Variants in KIF24 observed in about 807,000 individuals in gnomAD.
KIF24 encodes the protein kinesin family member 24.
A neutral mutation model predicts 118.9 loss-of-function variants in KIF24; 81 were observed. That is an observed-to-expected ratio of 0.68 (90% CI 0.57 to 0.82). KIF24 has a LOEUF of 0.82. Among genes scored for constraint, KIF24 ranks in the 40% least tolerant of loss-of-function variants. The pLI, the probability that KIF24 is intolerant of heterozygous loss-of-function variation, is 0.00. For missense variants in KIF24, 1,560 were observed against 1,661.6 expected, an observed-to-expected ratio of 0.94 and a Z score of 1.06; for synonymous variants, 599 against 610.0, an observed-to-expected ratio of 0.98 and a Z score of 0.27.
intron 3 of KIF24, among the ~76,000 whole-genome samples, chr9:34,301,997 CTT>C (rs778142590): frequency 3.6e-5 from 5 of 137,662 alleles, no homozygotes; most frequent in Admixed American, 7.4e-5. Flanking sequence ...ATTTTTTTTT[CTT>C]TTTTTTTTTT....
At chr9:34,311,765 T>TATATAC (rs1563961653) in intron 1 of KIF24, among the ~76,000 whole-genome samples, 2 of 145,110 alleles carry the variant, frequency 1.4e-5, no homozygotes, top group Admixed American at 7.0e-5. Context: ...TGTGTATATA[T>TATATAC]ACATATATAT....
At position 34,269,299 on chromosome 9, in the gene KIF24, C is replaced by G. The variant is rs1213159336; in HGVS notation, c.1401G>C (p.Gln467His). ...TTATTTCTGCACCTTCCATCTTTGT[C>G]TGTCTATCTGAGTCCCTTGCATCTG... ...RAADARDSDR[Q>H]TKMEGAEINQ... Residue 467 changes from glutamine to histidine, a missense_variant, in exon 8 of 13, where the codon CAG becomes CAC. Gln to His is a conservative substitution (Grantham distance 24). This residue lies in a region of KIF24 where 964 missense variants were observed against 988.0 expected (regional missense o/e 0.98). Coordinates refer to ENST00000402558, the MANE Select transcript of KIF24 (RefSeq NM_194313.4). 1.2e-6 allele frequency: 2 copies of G among 1,609,970 alleles called. No homozygotes were observed. The highest frequency in any genetic ancestry group is 1.7e-6 in the Non-Finnish European group (2 of 1,178,300).
intron 1 of KIF24, chr9:34,319,001 C>A (rs75338506): frequency 8.2e-7 from 1 of 1,219,184 alleles, no homozygotes; most frequent in Non-Finnish European, 1.2e-6. Context: ...TGGCGCCCTG[C>A]TTGTCAACAC....
chr9:34,262,665 A>ATATATATAT (rs1563936542), intron 9 of KIF24, among the ~76,000 whole-genome samples: 1 of 41,434 alleles, frequency 2.4e-5, no homozygotes, highest in Non-Finnish European at 4.7e-5. Context: ...AAAAAAAAAA[A>ATATATATAT]AAAAAAAAAA....
intron 8 of KIF24, among the ~76,000 whole-genome samples, chr9:34,266,084 G>C (rs937796060): frequency 6.6e-6 from 1 of 151,976 alleles, no homozygotes; most frequent in Non-Finnish European, 1.5e-5. Context: ...GCAGAGACAG[G>C]GTCTCATTAT....
At chr9:34,283,082 T>G (rs1330884290) in intron 6 of KIF24, among the ~76,000 whole-genome samples, 2 of 144,778 alleles carry the variant, frequency 1.4e-5, no homozygotes, top group African/African-American at 5.1e-5. Context: ...AAAAGAATAT[T>G]ATGGCCGGAC....
intron 5 of KIF24, among the ~76,000 whole-genome samples, chr9:34,289,310 A>G (rs890869995): frequency 1.3e-5 from 2 of 152,056 alleles, no homozygotes; most frequent in Admixed American, 1.3e-4. Flanking sequence ...CCCACTCCCC[A>G]TTCCATTGCT....
chr9:34,313,964 G>A (rs1240637093), intron 1 of KIF24, among the ~76,000 whole-genome samples: 3 of 148,596 alleles, frequency 2.0e-5, no homozygotes, highest in Admixed American at 1.4e-4. Context: ...TGTGTTGCCC[G>A]GGCTAGTCTC....
Position 34,253,417 on chromosome 9 carries a change from T to C in KIF24, c.*963A>G, listed in dbSNP as rs1208335728. 6.6e-6 allele frequency: 1 copy of C among 152,092 alleles called. No individual in the cohort carries two copies. The highest frequency in any genetic ancestry group is 2.4e-5 in the African/African-American group (1 of 41,392). 9.4% of individuals were successfully genotyped at this position (152,092 alleles called of 1,614,324 possible). ...ACAGCAGGCAGAACTTGGCTGAAGG[T>C]TTGTGTGTGAATTCTGTTTCAGAGG... On this transcript the variant is annotated 3_prime_UTR_variant, in exon 13 of 13. Transcript: ENST00000402558.
rs1196720635 is a variant in KIF24 at position 34,254,165 on chromosome 9, C to T, written c.*215G>A. On this transcript the variant is annotated 3_prime_UTR_variant, in exon 13 of 13. Transcript: ENST00000402558. ...CTTCGGCCTGGCCCACCCTTGGAGG[C>T]ACTCCTGTGCATGGAACTGAGGGAC... 2 of 435,866 alleles carry T rather than the reference C, an allele frequency of 4.6e-6. No individual in the cohort carries two copies. The highest frequency in any genetic ancestry group is 8.0e-6 in the Non-Finnish European group (2 of 248,840). 27.0% of individuals were successfully genotyped at this position (435,866 alleles called of 1,614,324 possible).
At position 34,319,325 on chromosome 9, in the gene KIF24, G is replaced by A. The variant is rs115219939; in HGVS notation, c.-25-7954C>T. ...CCTGTCGCCATCTCCTTGCCCAAGC[G>A]GGTGGTGGAAGTTCCCATGACCTGC... On this transcript the variant is annotated intron_variant, in intron 1 of 12. Transcript: ENST00000402558. 2.9e-3 allele frequency: 2,684 copies of A among 911,534 alleles called. 36 individuals carry two copies. The African/African-American group carries it at 0.035, about 12-fold the overall frequency. 56.5% of individuals were successfully genotyped at this position (911,534 alleles called of 1,614,324 possible).
rs1837119352 is a variant in KIF24 at position 34,311,031 on chromosome 9, T to G, written c.316A>C (p.Asn106His). The change falls in exon 2 of 13, where the codon AAT becomes CAT. Residue 106 changes from asparagine (N) to histidine (H), a missense_variant. This residue lies in a region of KIF24 where 964 missense variants were observed against 988.0 expected (regional missense o/e 0.98). Coordinates refer to ENST00000402558, the MANE Select transcript of KIF24 (RefSeq NM_194313.4). ...RQLNFDSPAD[N>H]KDRNASNDGF... Reference sequence around the variant, plus strand: ...TCATTGCTGGCATTTCTGTCTTTATTGTCAGCAGGAGAATCAAAATTCAGC... The same window carrying G: ...TCATTGCTGGCATTTCTGTCTTTATGGTCAGCAGGAGAATCAAAATTCAGC... 1 of 1,613,884 alleles carries G rather than the reference T, an allele frequency of 6.2e-7. No individual in the cohort carries two copies. The highest frequency in any genetic ancestry group is 1.3e-5 in the African/African-American group (1 of 74,944).
chr9:34,302,512 C>T (rs1307856003), intron 3 of KIF24, among the ~76,000 whole-genome samples: 1 of 150,622 alleles, frequency 6.6e-6, no homozygotes, highest in African/African-American at 2.4e-5. Context: ...GTTGCCCAGG[C>T]TGGAGTGCAG....
At chr9:34,298,133 G>A (rs4242692) in intron 3 of KIF24, among the ~76,000 whole-genome samples, 71,880 of 151,634 alleles carry the variant, frequency 0.47, 19,925 homozygotes, top group South Asian at 0.64. Context: ...CCAGGCACAG[G>A]GGAAGTATGA....
intron 4 of KIF24, 49 bp from the exon 5 acceptor site, chr9:34,290,438 AG>A (rs1279809999): frequency 1.7e-6 from 2 of 1,188,426 alleles, no homozygotes; most frequent in Admixed American, 4.4e-5. Context: ...GAGAAGTATT[AG>A]TTTACCCATA....
intron 8 of KIF24, among the ~76,000 whole-genome samples, chr9:34,265,197 C>T (rs751624107): frequency 3.9e-5 from 6 of 152,138 alleles, no homozygotes; most frequent in Non-Finnish European, 8.8e-5. Context: ...GAGATGGGGT[C>T]TCACTTTGTA....
chr9:34,277,240 A>G (rs1317285424), intron 6 of KIF24, among the ~76,000 whole-genome samples: 4 of 152,154 alleles, frequency 2.6e-5, no homozygotes, highest in African/African-American at 7.2e-5. Context: ...TACAAATCCT[A>G]TGAAAAGACA....
chr9:34,310,790 A>G lies in KIF24; in HGVS notation c.557T>C (p.Ile186Thr), dbSNP rs756373623. 1 of 1,611,106 alleles carries G rather than the reference A, an allele frequency of 6.2e-7. No homozygotes were observed. Among genetic ancestry groups the G allele is most frequent in the Non-Finnish European group, 8.5e-7 (1 of 1,177,260 alleles). ...YLSAILGDCD[I>T]PIIQRISHVS... The stretch of plus-strand genomic sequence containing the variant: ...ATGAGAGATTCTTTGAATAATGGGA[A>G]TATCACAATCCCCCAGTATTGCAGA... Residue 186 changes from isoleucine (I) to threonine (T), a missense_variant, in exon 2 of 13, where the codon ATT (isoleucine) becomes ACT (threonine). Ile to Thr is a moderately conservative substitution (Grantham distance 89). This residue lies in a region of KIF24 where 964 missense variants were observed against 988.0 expected (regional missense o/e 0.98). Coordinates refer to ENST00000402558, the MANE Select transcript of KIF24 (RefSeq NM_194313.4).
chr9:34,267,234 GC>G (rs1563939183), intron 8 of KIF24, among the ~76,000 whole-genome samples: 2 of 151,976 alleles, frequency 1.3e-5, no homozygotes, highest in Non-Finnish European at 2.9e-5. Flanking sequence ...CGGCTGAATG[GC>G]ATGTCCTTAA....
Sources: gnomAD v4.1 joint callset for allele counts (sites outside exome capture counted in the v4.1 genomes callset) on GRCh38, gnomAD v4.1.1 for gene constraint, gnomAD v4.1.1 regional missense constraint, MANE v1.5 for transcripts, NCBI Gene and HGNC (gene_info 2026-07-23, HGNC 2026-07-21) for gene names.